COL14A1: variants seen among roughly 807,000 people sequenced by gnomAD.
COL14A1 encodes the protein collagen alpha-1(XIV) chain.
COL14A1 carries 136 observed loss-of-function variants against 230.3 expected under a neutral mutation model. That is an observed-to-expected ratio of 0.59 (90% CI 0.51 to 0.68). The LOEUF is 0.68. COL14A1 is among the 30% of genes least tolerant of loss of function. COL14A1 has a pLI of 0.00. For synonymous variants in COL14A1, 792 were observed against 784.1 expected, an observed-to-expected ratio of 1.01 and a Z score of -0.17; for missense variants, 1,976 against 2,215.8, an observed-to-expected ratio of 0.89 and a Z score of 2.17.
intron 11 of COL14A1, 62 bp from the exon 12 acceptor site, chr8:120,209,694 T>G (rs1264842406): frequency 2.2e-5 from 33 of 1,484,674 alleles, no homozygotes; most frequent in African/African-American, 2.8e-5. Flanking sequence ...TTCTTGATAA[T>G]TTCATTTTTC....
At position 120,197,951 on chromosome 8, in the gene COL14A1, G is replaced by A. The variant is rs752717230; in HGVS notation, c.712+21G>A. 29 of 1,610,702 alleles carry A rather than the reference G, an allele frequency of 1.8e-5. No homozygotes were observed. The Admixed American group carries it at 3.7e-4, about 20-fold the overall frequency. On this transcript the variant is annotated intron_variant, in intron 7 of 47. Coordinates refer to ENST00000297848, the MANE Select transcript of COL14A1 (RefSeq NM_021110.4). Reference sequence around the variant, plus strand: ...AACAGGTATGTTTTGTTCAATCCATGTTATAACAACATATCTTTTTGAAGA... The same window carrying A: ...AACAGGTATGTTTTGTTCAATCCATATTATAACAACATATCTTTTTGAAGA...
At chr8:120,293,652 T>A (rs1820438214) in intron 34 of COL14A1, among the ~76,000 whole-genome samples, 1 of 151,870 alleles carries the variant, frequency 6.6e-6, no homozygotes, top group African/African-American at 2.4e-5. Flanking sequence ...CTTTCATTCC[T>A]GTGCTTCTTC....
chr8:120,159,926 A>G (rs927344332), intron 3 of COL14A1, among the ~76,000 whole-genome samples: 21 of 152,278 alleles, frequency 1.4e-4, no homozygotes, highest in Non-Finnish European at 2.8e-4. Context: ...TCCTGACCTC[A>G]GGTGATCCAC....
At chr8:120,296,755 A>G (rs1341500569) in intron 34 of COL14A1, among the ~76,000 whole-genome samples, 2 of 151,956 alleles carry the variant, frequency 1.3e-5, no homozygotes, top group African/African-American at 4.8e-5. Context: ...ACTTATCACC[A>G]ACATACATGA....
chr8:120,298,586 A>G (rs1416382117), intron 35 of COL14A1, among the ~76,000 whole-genome samples: 5 of 121,218 alleles, frequency 4.1e-5, no homozygotes, highest in Non-Finnish European at 6.8e-5. Context: ...ATGTGTGTAT[A>G]CCCATATATT....
intron 1 of COL14A1, among the ~76,000 whole-genome samples, chr8:120,137,820 T>C (rs1814763206): frequency 6.6e-6 from 1 of 152,070 alleles, no homozygotes. Context: ...TGTTGCCCAG[T>C]TGTCTCAAAC....
chr8:120,359,774 T>C (rs1823125229), intron 45 of COL14A1, among the ~76,000 whole-genome samples: 1 of 152,174 alleles, frequency 6.6e-6, no homozygotes, highest in Admixed American at 6.5e-5. Flanking sequence ...CCTGATTTAA[T>C]GCCTATTTTC....
At chr8:120,219,007 C>T (rs1817848802) in intron 14 of COL14A1, among the ~76,000 whole-genome samples, 1 of 151,294 alleles carries the variant, frequency 6.6e-6, no homozygotes, top group Non-Finnish European at 1.5e-5. Flanking sequence ...AAACAAAAAA[C>T]AAATTTTCTT....
Position 120,349,886 on chromosome 8 carries a change from C to T in COL14A1, c.5077+4323C>T, listed in dbSNP as rs1169805054. On this transcript the variant is annotated intron_variant, in intron 45 of 47. Transcript: ENST00000297848. The stretch of plus-strand genomic sequence containing the variant: ...GTTCAGATTCAGGAAATACAGAGAA[C>T]GCTACAAAGATACTCCTCGAGAAGA... 8.9e-5 allele frequency among the ~76,000 whole-genome samples: 13 copies of T among 146,716 alleles called. 1 individual carries two copies. Among genetic ancestry groups the T allele is most frequent in the South Asian group, 6.7e-4 (3 of 4,478 alleles).
At chr8:120,232,183 A>G (rs1287814459) in intron 19 of COL14A1, 2 of 152,100 alleles carry the variant, frequency 1.3e-5, no homozygotes, top group Non-Finnish European at 2.9e-5. Flanking sequence ...CCCCTCAGGG[A>G]TTTAGATTTT....
intron 30 of COL14A1, 27 bp downstream of exon 30, chr8:120,280,776 C>T: frequency 6.2e-7 from 1 of 1,610,400 alleles, no homozygotes; most frequent in African/African-American, 1.3e-5. Flanking sequence ...TCTTTTCAAA[C>T]ACAAAATATA....
intron 42 of COL14A1, among the ~76,000 whole-genome samples, chr8:120,334,581 C>CAA (rs375730013): frequency 3.9e-5 from 5 of 129,438 alleles, no homozygotes; most frequent in African/African-American, 1.5e-4. Flanking sequence ...CGTTCACACA[C>CAA]AAAAACACAC....
chr8:120,257,160 A>G (rs1409475042), intron 23 of COL14A1, among the ~76,000 whole-genome samples: 5 of 152,198 alleles, frequency 3.3e-5, no homozygotes, highest in Non-Finnish European at 5.9e-5. Context: ...TGGCAAGTAA[A>G]TGAGTCCACA....
intron 14 of COL14A1, among the ~76,000 whole-genome samples, chr8:120,222,825 T>G (rs1817972293): frequency 6.6e-6 from 1 of 152,156 alleles, no homozygotes; most frequent in African/African-American, 2.4e-5. Context: ...GTTCTTGCCC[T>G]CAAGGAGCTT....
In COL14A1 at chr8:120,218,096, A is replaced by G. The variant is rs865889595; in HGVS notation, c.1737+1606A>G. Reference sequence around the variant, plus strand: ...ATAAATATATAATATATAAATATAAATACATAAATATATAAGTATATATCT... The same window carrying G: ...ATAAATATATAATATATAAATATAAGTACATAAATATATAAGTATATATCT... On this transcript the variant is annotated intron_variant, in intron 14 of 47. Coordinates refer to ENST00000297848, the MANE Select transcript of COL14A1 (RefSeq NM_021110.4). Among the ~76,000 whole-genome samples, 638 of 140,406 alleles carry G rather than the reference A, an allele frequency of 4.5e-3. 9 individuals are homozygous for G. Among genetic ancestry groups the G allele is most frequent in the African/African-American group, 0.015 (591 of 38,332 alleles). The allele number at this position is 140,406 out of a possible 152,430, so 92.1% of individuals were successfully genotyped here. A position where few individuals can be genotyped will look rare whatever the true frequency, so the allele number is the denominator to read the frequency against.
intron 35 of COL14A1, among the ~76,000 whole-genome samples, chr8:120,299,721 CTGAAA>C (rs1264164275): frequency 6.6e-6 from 1 of 152,070 alleles, no homozygotes; most frequent in Non-Finnish European, 1.5e-5. Context: ...GGGGTTTGAA[CTGAAA>C]TATTTTACTG....
intron 19 of COL14A1, chr8:120,231,871 C>A: frequency 2.6e-6 from 1 of 387,610 alleles, no homozygotes; most frequent in Non-Finnish European, 4.6e-6. Context: ...TGCTTCTCTT[C>A]TGCTGCCTTG....
intron 5 of COL14A1, among the ~76,000 whole-genome samples, chr8:120,191,639 G>A (rs1281242772): frequency 2.6e-5 from 4 of 151,940 alleles, no homozygotes; most frequent in African/African-American, 9.7e-5. Flanking sequence ...AATGTTGACA[G>A]TGGGGTGTTA....
At chr8:120,242,388 C>T (rs532627810) in intron 19 of COL14A1, among the ~76,000 whole-genome samples, 1 of 152,256 alleles carries the variant, frequency 6.6e-6, no homozygotes, top group East Asian at 1.9e-4. Flanking sequence ...ATTCCATGTG[C>T]TAAATTTAAT....
Sources: allele counts gnomAD v4.1 joint callset (sites outside exome capture counted in the v4.1 genomes callset), GRCh38; gene constraint gnomAD v4.1.1; transcripts MANE v1.5; gene names NCBI Gene and HGNC (gene_info 2026-07-23, HGNC 2026-07-21).